Variants in DCAKD observed in about 807,000 individuals in gnomAD.
The protein encoded by DCAKD is dephospho-CoA kinase domain containing, also known as dephospho-CoA kinase domain-containing protein.
In DCAKD, 15 loss-of-function variants were observed where a neutral mutation model predicts 18.7. That is an observed-to-expected ratio of 0.80 (90% CI 0.54 to 1.24). The LOEUF (loss-of-function observed/expected upper bound fraction) is 1.24, where lower values mean the gene tolerates loss of function less well. Among genes scored for constraint, DCAKD ranks in the 50% most tolerant of loss-of-function variants. DCAKD has a pLI of 0.00. For missense variants in DCAKD, 301 were observed against 322.0 expected, an observed-to-expected ratio of 0.93 and a Z score of 0.50; for synonymous variants, 130 against 133.0, an observed-to-expected ratio of 0.98 and a Z score of 0.16.
At chr17:45,055,577 A>T (rs148725889), upstream of DCAKD, among the ~76,000 whole-genome samples, 3 of 152,004 alleles carry the variant, frequency 2.0e-5, no homozygotes, top group African/African-American at 7.2e-5. Context: ...TCTCATTGCC[A>T]TACCTCAAAA....
upstream of DCAKD, among the ~76,000 whole-genome samples, chr17:45,053,183 A>C (rs1400798703): frequency 1.4e-4 from 21 of 149,248 alleles, no homozygotes; most frequent in Non-Finnish European, 2.7e-4. Context: ...AAAAAAAAAA[A>C]AAAAAAAAAA....
chr17:45,048,778 C>A (rs1373530311), intron 1 of DCAKD, among the ~76,000 whole-genome samples: 2 of 152,044 alleles, frequency 1.3e-5, no homozygotes, highest in Admixed American at 1.3e-4. Context: ...TGCACTCCAG[C>A]CTGGGTGACA....
rs1597996300 is a variant in DCAKD at position 45,060,886 on chromosome 17, A to C, written c.-118+2T>G. ...CCGCGGGCCTCAGGCCCTTTCACTTACCCGGGAAACGTAACGGTCCTTAAC... is the reference window on the plus strand; with the variant it reads ...CCGCGGGCCTCAGGCCCTTTCACTTCCCCGGGAAACGTAACGGTCCTTAAC... On this transcript the variant is annotated splice_donor_variant, in intron 1 of 4. Transcript: ENST00000310604. LOFTEE classifies it low-confidence loss of function (5UTR_SPLICE). 7 of 362,436 alleles carry C rather than the reference A, an allele frequency of 1.9e-5. No individual in the cohort carries two copies. Among genetic ancestry groups the C allele is most frequent in the Non-Finnish European group, 2.7e-5 (7 of 257,470 alleles). The allele number at this position is 362,436 out of a possible 1,614,324, so 22.5% of individuals were successfully genotyped here. A position where few individuals can be genotyped will look rare whatever the true frequency, so the allele number is the denominator to read the frequency against.
intron 1 of DCAKD, among the ~76,000 whole-genome samples, chr17:45,047,960 AT>A (rs2053609171): frequency 6.6e-6 from 1 of 152,190 alleles, no homozygotes; most frequent in Non-Finnish European, 1.5e-5. Context: ...TCAATTGTGT[AT>A]TTTATAATTG....
intron 3 of DCAKD, 26 bp downstream of exon 3, chr17:45,034,161 C>A (rs2143229729): frequency 6.8e-7 from 1 of 1,464,774 alleles, no homozygotes; most frequent in Non-Finnish European, 9.6e-7. Context: ...GAGGCCCCGC[C>A]CCCCGCCCCA....
At position 45,034,962 on chromosome 17, in the gene DCAKD, CCGATGGGGGCGGTCCA is replaced by C; in HGVS notation, c.-93_-78del. 1 of 1,486,976 alleles carries C rather than the reference CCGATGGGGGCGGTCCA, an allele frequency of 6.7e-7. No homozygotes were observed. Among genetic ancestry groups the C allele is most frequent in the Non-Finnish European group, 9.3e-7 (1 of 1,079,716 alleles). 92.1% of individuals were successfully genotyped at this position (1,486,976 alleles called of 1,614,324 possible). A position where few individuals can be genotyped will look rare whatever the true frequency, so the allele number is the denominator to read the frequency against. The stretch of plus-strand genomic sequence containing the variant: ...TCACTGGAGAGCAGGGCAAGTGTGG[CCGATGGGGGCGGTCCA>C]CCAGAGGAGTGCCAGAAGGACCTGC... On this transcript the variant is annotated 5_prime_UTR_variant, in exon 2 of 5. The change creates a premature stop within an existing upstream ORF in the 5' untranslated region. Transcript: ENST00000651974.
At chr17:45,024,876 C>CGA in intron 4 of DCAKD, 152 bp from the exon 5 acceptor site, 1 of 1,012,344 alleles carries the variant, frequency 9.9e-7, no homozygotes. Flanking sequence ...ACTTAGGGTC[C>CGA]CACAGCCAGG....
At chr17:45,036,953 G>C (rs1254680382) in intron 1 of DCAKD, among the ~76,000 whole-genome samples, 1 of 152,124 alleles carries the variant, frequency 6.6e-6, no homozygotes, top group Non-Finnish European at 1.5e-5. Flanking sequence ...ACACTGAAAT[G>C]AGTTTGCCTC....
At chr17:45,034,158 C>T (rs2053233041) in intron 3 of DCAKD, 29 bp downstream of exon 3, 13 of 1,472,448 alleles carry the variant, frequency 8.8e-6, no homozygotes, top group East Asian at 2.3e-5. Context: ...AAGGAGGCCC[C>T]GCCCCCCGCC....
At chr17:45,026,928 G>C in intron 4 of DCAKD, 3 of 562,416 alleles carry the variant, frequency 5.3e-6, no homozygotes, top group Non-Finnish European at 6.8e-6. Context: ...ATGTGGGGCA[G>C]CACCTCCGAC....
At chr17:45,056,123 C>A (rs1221884588), upstream of DCAKD, among the ~76,000 whole-genome samples, 1 of 149,924 alleles carries the variant, frequency 6.7e-6, no homozygotes. Context: ...CCATTGCACT[C>A]CAGCCTAGGC....
At chr17:45,046,889 G>A (rs570967239) in intron 1 of DCAKD, among the ~76,000 whole-genome samples, 3 of 152,104 alleles carry the variant, frequency 2.0e-5, no homozygotes, top group African/African-American at 7.2e-5. Context: ...GGTCCCACAG[G>A]GTGAAAATCC....
chr17:45,035,825 A>G (rs1473108705), intron 1 of DCAKD, among the ~76,000 whole-genome samples: 1 of 152,140 alleles, frequency 6.6e-6, no homozygotes, highest in Admixed American at 6.5e-5. Context: ...CCTCCTCCCC[A>G]CAGAAGGTCC....
At chr17:45,032,813 T>A (rs2053200118) in intron 3 of DCAKD, among the ~76,000 whole-genome samples, 2 of 149,404 alleles carry the variant, frequency 1.3e-5, no homozygotes, top group Admixed American at 1.3e-4. Flanking sequence ...TATACCCTCG[T>A]GGAAGGAGAG....
chr17:45,058,754 C>T (rs554616601), intron 1 of DCAKD, among the ~76,000 whole-genome samples: 3 of 152,030 alleles, frequency 2.0e-5, no homozygotes, highest in East Asian at 1.9e-4. Flanking sequence ...ACCTCTGACC[C>T]CCCCCTTCCC....
At chr17:45,030,501 G>C (rs944907623) in intron 3 of DCAKD, among the ~76,000 whole-genome samples, 8 of 152,252 alleles carry the variant, frequency 5.3e-5, no homozygotes, top group Non-Finnish European at 8.8e-5. Context: ...ACAGCACAGG[G>C]AGAGGGAGGC....
At chr17:45,033,181 AAAAAT>A (rs10628158) in intron 3 of DCAKD, among the ~76,000 whole-genome samples, 105 of 151,100 alleles carry the variant, frequency 6.9e-4, no homozygotes, top group African/African-American at 1.7e-3. Context: ...CCCCATCTCT[AAAAAT>A]AAAATAAAAT....
intron 2 of DCAKD, 149 bp downstream of exon 2, chr17:45,034,625 A>G: frequency 1.1e-6 from 1 of 951,456 alleles, no homozygotes; most frequent in Non-Finnish European, 1.6e-6. Flanking sequence ...AGAGCAGAGA[A>G]GGCAAGCACG....
chr17:45,035,950 G>C lies in DCAKD; in HGVS notation c.-114-951C>G, dbSNP rs1354077218. Among the ~76,000 whole-genome samples, 6 of 152,268 alleles carry C rather than the reference G, an allele frequency of 3.9e-5. No homozygotes were observed. In the South Asian group the frequency reaches 1.2e-3, roughly 32 times the overall value. On this transcript the variant is annotated intron_variant, in intron 1 of 4. Transcript: ENST00000651974. ...GAACTGAGCCGCAAGCAGTGGCTCG[G>C]CAGCCACTAAGGCCGAGGTTTAGAA...
Sources: allele counts gnomAD v4.1 joint callset (sites outside exome capture counted in the v4.1 genomes callset), GRCh38; gene constraint gnomAD v4.1.1; transcripts MANE v1.5; gene names NCBI Gene and HGNC (gene_info 2026-07-23, HGNC 2026-07-21).